The following SUGCT variants were observed in gnomAD, a reference collection of about 807,000 sequenced individuals.
SUGCT encodes the protein succinyl-CoA:glutarate-CoA transferase.
In SUGCT, 41 loss-of-function variants were observed where a neutral mutation model predicts 55.0. That is an observed-to-expected ratio of 0.74 (90% CI 0.58 to 0.97). SUGCT has a LOEUF of 0.97. Ranked by LOEUF, SUGCT falls within the 50% of genes least tolerant of loss-of-function variation. The pLI, the probability that SUGCT is intolerant of heterozygous loss-of-function variation, is 0.00. For missense variants in SUGCT, 568 were observed against 547.8 expected (o/e 1.04, Z -0.37); for synonymous variants, 187 against 200.4 (o/e 0.93, Z 0.56).
intron 7 of SUGCT, among the ~76,000 whole-genome samples, chr7:40,259,213 A>G (rs4346901): frequency 0.99 from 151,344 of 152,308 alleles, 75,194 homozygotes; most frequent in Non-Finnish European, 1. Flanking sequence ...ATTTAGCTAG[A>G]AGGAATAAGT....
At chr7:40,315,539 G>A (rs1211918737) in intron 8 of SUGCT, among the ~76,000 whole-genome samples, 1 of 152,224 alleles carries the variant, frequency 6.6e-6, no homozygotes, top group Non-Finnish European at 1.5e-5. Flanking sequence ...ATAAAAGTGA[G>A]TTTAAGTCCC....
chr7:40,845,304 A>G (rs1357514490), intron 13 of SUGCT, among the ~76,000 whole-genome samples: 1 of 152,190 alleles, frequency 6.6e-6, no homozygotes, highest in African/African-American at 2.4e-5. Flanking sequence ...ACATTAAGTT[A>G]GCCTAAACAG....
chr7:40,363,260 C>T (rs1332864033), intron 9 of SUGCT, among the ~76,000 whole-genome samples: 5 of 151,878 alleles, frequency 3.3e-5, no homozygotes, highest in Admixed American at 6.6e-5. Flanking sequence ...TTTCAAAAAA[C>T]CAGCTCCTGG....
At chr7:41,037,864 G>T in the SUGCT span, among the ~76,000 whole-genome samples, 1 of 151,996 alleles carries the variant, frequency 6.6e-6, no homozygotes, top group Non-Finnish European at 1.5e-5. Flanking sequence ...TTCTTGGCAG[G>T]TCCGATGTTG....
intron 9 of SUGCT, among the ~76,000 whole-genome samples, chr7:40,415,346 C>T: frequency 6.7e-6 from 1 of 148,742 alleles, no homozygotes; most frequent in Non-Finnish European, 1.5e-5. Flanking sequence ...ATTGTCTTCT[C>T]TGATTCAGAT....
chr7:41,027,839 G>T, the SUGCT span, among the ~76,000 whole-genome samples: 1 of 152,126 alleles, frequency 6.6e-6, no homozygotes, highest in African/African-American at 2.4e-5. Flanking sequence ...TTTGATCTAC[G>T]TTAGCTGAGT....
chr7:40,274,736 C>T (rs1422108181), intron 8 of SUGCT, 80 bp downstream of exon 8: 20 of 1,319,398 alleles, frequency 1.5e-5, no homozygotes, highest in Admixed American at 5.6e-5. Context: ...ATTCTATGGT[C>T]ACATGTACAA....
intron 9 of SUGCT, among the ~76,000 whole-genome samples, chr7:40,328,138 C>G (rs925519168): frequency 6.6e-6 from 1 of 152,174 alleles, no homozygotes; most frequent in African/African-American, 2.4e-5. Context: ...ATAATTTCCC[C>G]TTTAGGACTG....
At chr7:40,312,050 GTT>G (rs35487000) in intron 8 of SUGCT, among the ~76,000 whole-genome samples, 2 of 144,970 alleles carry the variant, frequency 1.4e-5, no homozygotes, top group Non-Finnish European at 1.5e-5. Context: ...CCTCACATAA[GTT>G]TTTTTTTTTT....
chr7:40,333,726 A>G (rs1796492730), intron 9 of SUGCT, among the ~76,000 whole-genome samples: 1 of 131,570 alleles, frequency 7.6e-6, no homozygotes. Flanking sequence ...ATACACACAT[A>G]TATATAATTT....
chr7:40,301,745 C>T (rs113881071), intron 8 of SUGCT, among the ~76,000 whole-genome samples: 6,842 of 152,204 alleles, frequency 0.045, 507 homozygotes, highest in African/African-American at 0.15. Context: ...GTCAGATTCA[C>T]CATTACATTC....
At chr7:40,879,840 C>T in the SUGCT span, among the ~76,000 whole-genome samples, 71 of 152,252 alleles carry the variant, frequency 4.7e-4, no homozygotes, top group Non-Finnish European at 6.9e-4. Context: ...TGTGGCAGGA[C>T]GTTCTTGTGG....
intron 1 of SUGCT, chr7:40,153,786 C>T (rs1788712122): frequency 2.4e-6 from 1 of 413,748 alleles, no homozygotes; most frequent in Admixed American, 2.6e-5. Context: ...GCTAACCATC[C>T]TTGCCCATAG....
rs559598568 is a variant in SUGCT at position 40,502,725 on chromosome 7, A to G, written c.1089+6339A>G. ...TAGCCATATGTGGCTATTGGCTGCA[A>G]TGTTGGCGGGATCAAGCTAGCCAAT... is the stretch of plus-strand genomic sequence containing the variant. On this transcript the variant is annotated intron_variant, in intron 12 of 13. Coordinates refer to ENST00000335693, the MANE Select transcript of SUGCT (RefSeq NM_001193313.2). Among the ~76,000 whole-genome samples, 104 of 152,212 alleles carry G rather than the reference A, an allele frequency of 6.8e-4. 1 individual carries two copies. The highest frequency in any genetic ancestry group is 2.5e-3 in the African/African-American group (102 of 41,562).
intron 9 of SUGCT, among the ~76,000 whole-genome samples, chr7:40,317,170 G>A (rs149736161): frequency 1.1e-3 from 169 of 151,344 alleles, no homozygotes; most frequent in African/African-American, 3.9e-3. Flanking sequence ...ACTGACTGTA[G>A]CCATTTTATA....
the SUGCT span, among the ~76,000 whole-genome samples, chr7:40,987,857 T>G: frequency 1.3e-5 from 2 of 152,144 alleles, no homozygotes; most frequent in African/African-American, 4.8e-5. Flanking sequence ...GAGAGGCCAA[T>G]GAAAATAAAT....
chr7:40,224,062 T>G (rs1788190297), intron 6 of SUGCT, among the ~76,000 whole-genome samples: 1 of 152,236 alleles, frequency 6.6e-6, no homozygotes, highest in African/African-American at 2.4e-5. Context: ...TTATTTTCTT[T>G]TCTACTCAAA....
At chr7:41,004,504 C>T in the SUGCT span, among the ~76,000 whole-genome samples, 33 of 152,298 alleles carry the variant, frequency 2.2e-4, no homozygotes, top group African/African-American at 7.7e-4. Context: ...CACTGGGAGA[C>T]ACATTGTTGC....
intron 1 of SUGCT, among the ~76,000 whole-genome samples, chr7:40,156,110 G>A (rs1158661644): frequency 6.6e-6 from 1 of 152,080 alleles, no homozygotes; most frequent in African/African-American, 2.4e-5. Context: ...ACCTGCCTCA[G>A]CCTACCAAAG....
Sources: allele counts gnomAD v4.1 joint callset (sites outside exome capture counted in the v4.1 genomes callset), GRCh38; gene constraint gnomAD v4.1.1; transcripts MANE v1.5; gene names NCBI Gene and HGNC (gene_info 2026-07-23, HGNC 2026-07-21).